Variants in SLC45A4 observed in about 807,000 individuals in gnomAD.
SLC45A4 encodes solute carrier family 45 member 4.
A neutral mutation model predicts 63.7 loss-of-function variants in SLC45A4; 32 were observed. That is an observed-to-expected ratio of 0.50 (90% confidence interval 0.38 to 0.67). The LOEUF (loss-of-function observed/expected upper bound fraction) is 0.67, where lower values mean the gene tolerates loss of function less well. SLC45A4 is among the 30% of genes least tolerant of loss of function. The pLI, the probability that SLC45A4 is intolerant of heterozygous loss-of-function variation, is 0.00. For synonymous variants in SLC45A4, 535 were observed against 510.0 expected, an observed-to-expected ratio of 1.05 and a Z score of -0.66; for missense variants, 1,027 against 1,157.7, an observed-to-expected ratio of 0.89 and a Z score of 1.64.
chr8:141,307,165 C>T (rs1830921752), intron 1 of SLC45A4, among the ~76,000 whole-genome samples: 1 of 151,406 alleles, frequency 6.6e-6, no homozygotes, highest in East Asian at 1.9e-4. Context: ...CGTGTGGATC[C>T]GCCTCCGCTG....
intron 2 of SLC45A4, among the ~76,000 whole-genome samples, chr8:141,232,297 G>C (rs536530746): frequency 7.9e-5 from 12 of 152,372 alleles, no homozygotes; most frequent in South Asian, 4.1e-4. Flanking sequence ...TCACGTCCAA[G>C]GCTTGGACAA....
intron 3 of SLC45A4, among the ~76,000 whole-genome samples, chr8:141,220,871 C>T (rs999440200): frequency 7.9e-5 from 12 of 152,306 alleles, no homozygotes; most frequent in Middle Eastern, 3.4e-3. Flanking sequence ...GGCAGGGGGC[C>T]GGCAGCTCCG....
At chr8:141,307,195 T>A (rs1282485847) in intron 1 of SLC45A4, among the ~76,000 whole-genome samples, 1 of 152,124 alleles carries the variant, frequency 6.6e-6, no homozygotes, top group Non-Finnish European at 1.5e-5. Context: ...CTGCTGGAAG[T>A]GCTCCAATCC....
chr8:141,239,083 C>T (rs1044079764), intron 2 of SLC45A4, among the ~76,000 whole-genome samples: 2 of 152,202 alleles, frequency 1.3e-5, no homozygotes, highest in African/African-American at 4.8e-5. Context: ...GCCTGGGCCA[C>T]GCGGTGAATT....
chr8:141,284,798 C>T (rs957461335), intron 1 of SLC45A4, among the ~76,000 whole-genome samples: 7 of 152,102 alleles, frequency 4.6e-5, no homozygotes, highest in Non-Finnish European at 7.4e-5. Context: ...AGGCTCCTTG[C>T]CCCTCCGCAC....
intron 1 of SLC45A4, among the ~76,000 whole-genome samples, chr8:141,264,905 T>C (rs1258496755): frequency 6.6e-6 from 1 of 152,198 alleles, no homozygotes; most frequent in Non-Finnish European, 1.5e-5. Flanking sequence ...CCAGACAGTT[T>C]CAACAAATTC....
intron 1 of SLC45A4, among the ~76,000 whole-genome samples, chr8:141,266,479 T>G (rs766234832): frequency 2.0e-5 from 3 of 152,162 alleles, no homozygotes; most frequent in Non-Finnish European, 4.4e-5. Context: ...GGCCGGCACG[T>G]GTCTTCCTGC....
chr8:141,274,518 G>C (rs1409008066), intron 1 of SLC45A4, among the ~76,000 whole-genome samples: 2 of 129,320 alleles, frequency 1.5e-5, no homozygotes, highest in Non-Finnish European at 3.2e-5. Context: ...TGGGCGACAA[G>C]AGAGAAACTC....
chr8:141,269,460 GTGTC>G lies in SLC45A4; in HGVS notation c.-400-14835_-400-14832del, dbSNP rs371554348. Among the ~76,000 whole-genome samples, 843 of 124,156 alleles carry G rather than the reference GTGTC, an allele frequency of 6.8e-3. 4 individuals are homozygous for G. The highest frequency in any genetic ancestry group is 0.031 in the African/African-American group (781 of 25,502). 81.5% of individuals were successfully genotyped at this position (124,156 alleles called of 152,430 possible). On this transcript the variant is annotated intron_variant, in intron 1 of 8. Coordinates refer to ENST00000517878, the MANE Select transcript of SLC45A4 (RefSeq NM_001286646.2). Reference sequence around the variant, plus strand: ...TGTATGTGTGTCGATGTCTGCCTATGTGTCTGTGTGTGTGTGTGTGTGTGTGTGT... The same window carrying G: ...TGTATGTGTGTCGATGTCTGCCTATGTGTGTGTGTGTGTGTGTGTGTGTGT...
At chr8:141,221,881 C>G in intron 2 of SLC45A4, 116 bp from the exon 3 acceptor site, 2 of 1,084,870 alleles carry the variant, frequency 1.8e-6, no homozygotes, top group Non-Finnish European at 2.6e-6. Context: ...ATGCGCACAT[C>G]CCCTGCTCAG....
At position 141,254,155 on chromosome 8, in the gene SLC45A4, C is replaced by A. The variant is rs867222395; in HGVS notation, c.75G>T (p.Pro25=). ...VQELSVPLPD[P]QKAGGAEAEN... ...CGGCCTCTGCGCCTCCGGCTTTCTGCGGGTCCGGCAGGGGCACGGATAACT... is the reference window on the plus strand; with the variant it reads ...CGGCCTCTGCGCCTCCGGCTTTCTGAGGGTCCGGCAGGGGCACGGATAACT... Residue 25 remains proline (P), a synonymous_variant, in exon 2 of 9, where the codon CCG becomes CCT. Coordinates refer to ENST00000517878, the MANE Select transcript of SLC45A4 (RefSeq NM_001286646.2). This position sits in a 1 kb window ranked among gnomAD's most constrained non-coding sequence, Gnocchi z 4.5. 7 of 1,536,036 alleles carry A rather than the reference C, an allele frequency of 4.6e-6. No individual in the cohort carries two copies. In the South Asian group the frequency reaches 8.3e-5, roughly 18 times the overall value.
chr8:141,225,721 T>G (rs755080833), intron 2 of SLC45A4: 12 of 152,562 alleles, frequency 7.9e-5, no homozygotes, highest in Admixed American at 3.3e-4. Context: ...CACAGGGCAC[T>G]GGGGGGAACC....
chr8:141,288,656 C>T (rs1036004400), intron 1 of SLC45A4, among the ~76,000 whole-genome samples: 1 of 152,234 alleles, frequency 6.6e-6, no homozygotes, highest in African/African-American at 2.4e-5. Context: ...CTGAGGCAGC[C>T]AGGGCCCAGC....
At position 141,208,407 on chromosome 8, in the gene SLC45A4, T is replaced by C. The variant is rs909993405; in HGVS notation, c.*3165A>G. The C allele has an allele frequency of 6.6e-6, 1 of 152,154 alleles. No individual in the cohort carries two copies. Among genetic ancestry groups the C allele is most frequent in the East Asian group, 1.9e-4 (1 of 5,192 alleles). The allele number at this position is 152,154 out of a possible 1,614,324, so 9.4% of individuals were successfully genotyped here. ...GGCTTCCTGTTCAGCTCTGGGGTTC[T>C]AGGTGGTCACAGACCAAGTCCTCCA... On this transcript the variant is annotated 3_prime_UTR_variant, in exon 9 of 9. Coordinates refer to ENST00000517878, the MANE Select transcript of SLC45A4 (RefSeq NM_001286646.2).
At chr8:141,240,931 TGGGGGCAGCC>T (rs1351454711) in intron 2 of SLC45A4, among the ~76,000 whole-genome samples, 2 of 152,184 alleles carry the variant, frequency 1.3e-5, no homozygotes, top group Non-Finnish European at 2.9e-5. Context: ...TGAGGGCAGC[TGGGGGCAGCC>T]GCCCGGATCC....
chr8:141,253,941 T>C (rs1828644884), intron 2 of SLC45A4, 48 bp downstream of exon 2: 5 of 1,529,274 alleles, frequency 3.3e-6, no homozygotes, highest in Non-Finnish European at 4.4e-6. Flanking sequence ...CCCAGTCCGC[T>C]AGCACTCCGC....
chr8:141,284,906 T>C (rs893085464), intron 1 of SLC45A4, among the ~76,000 whole-genome samples: 1 of 151,636 alleles, frequency 6.6e-6, no homozygotes, highest in African/African-American at 2.4e-5. Flanking sequence ...ACGGCTGACA[T>C]TTAGGAGCTC....
chr8:141,306,963 C>G (rs1287865844), intron 1 of SLC45A4, among the ~76,000 whole-genome samples: 1 of 152,226 alleles, frequency 6.6e-6, no homozygotes, highest in Non-Finnish European at 1.5e-5. Context: ...CCCTGTTTTG[C>G]TGGAGTCAGC....
intron 2 of SLC45A4, among the ~76,000 whole-genome samples, chr8:141,246,070 G>A (rs910165120): frequency 1.3e-5 from 2 of 152,194 alleles, no homozygotes; most frequent in African/African-American, 4.8e-5. Flanking sequence ...ATTTCAAAAC[G>A]AGTTACAATC....
Sources: allele counts gnomAD v4.1 joint callset (sites outside exome capture counted in the v4.1 genomes callset), GRCh38; gene constraint gnomAD v4.1.1; non-coding constraint Gnocchi (gnomAD v3.1); transcripts MANE v1.5; gene names NCBI Gene and HGNC (gene_info 2026-07-23, HGNC 2026-07-21).